Variants in REDIC1 observed in about 807,000 individuals in gnomAD.
The protein encoded by REDIC1 is HEI10 Interacting Protein 1.
chr12:39,812,762 G>A, the REDIC1 span, among the ~76,000 whole-genome samples: 2 of 150,390 alleles, frequency 1.3e-5, no homozygotes, highest in Non-Finnish European at 3.0e-5. Context: ...GTGAGTCATT[G>A]CACCTGGCGG....
the REDIC1 span, among the ~76,000 whole-genome samples, chr12:39,712,451 TAC>T: frequency 4.5e-5 from 2 of 44,908 alleles, no homozygotes; most frequent in Admixed American, 2.4e-4. Context: ...TATGTATACA[TAC>T]GTATATATAC....
the REDIC1 span, among the ~76,000 whole-genome samples, chr12:39,669,954 C>T: frequency 6.6e-6 from 1 of 152,160 alleles, no homozygotes; most frequent in African/African-American, 2.4e-5. Context: ...TCTGTCACCC[C>T]TTTCTTTGAC....
At chr12:39,779,179 G>C in the REDIC1 span, among the ~76,000 whole-genome samples, 1 of 152,148 alleles carries the variant, frequency 6.6e-6, no homozygotes, top group African/African-American at 2.4e-5. Context: ...TTTTCTTACA[G>C]TTTTGCTCTG....
At chr12:39,842,823 A>G in the REDIC1 span, among the ~76,000 whole-genome samples, 1 of 151,910 alleles carries the variant, frequency 6.6e-6, no homozygotes, top group African/African-American at 2.4e-5. Flanking sequence ...CTTTGTCTCT[A>G]TGGATTTGCT....
At chr12:39,879,177 G>T in the REDIC1 span, among the ~76,000 whole-genome samples, 2 of 152,256 alleles carry the variant, frequency 1.3e-5, no homozygotes, top group Non-Finnish European at 2.9e-5. Flanking sequence ...GCGTGAGAAA[G>T]CCTGGGTGCC....
chr12:39,699,794 C>A, the REDIC1 span, among the ~76,000 whole-genome samples: 1 of 152,204 alleles, frequency 6.6e-6, no homozygotes. Context: ...CCCTGACCCC[C>A]GAGCAGCCTA....
At chr12:39,713,042 CATGTGT>C in the REDIC1 span, among the ~76,000 whole-genome samples, 1 of 136,584 alleles carries the variant, frequency 7.3e-6, no homozygotes, top group African/African-American at 2.9e-5. Context: ...TGTATATATA[CATGTGT>C]ATATACGTGT....
the REDIC1 span, among the ~76,000 whole-genome samples, chr12:39,779,360 C>T: frequency 6.6e-6 from 1 of 152,160 alleles, no homozygotes; most frequent in Non-Finnish European, 1.5e-5. Context: ...TGATGTTTTT[C>T]TACACTTAAG....
At chr12:39,719,574 A>G in the REDIC1 span, among the ~76,000 whole-genome samples, 277 of 152,108 alleles carry the variant, frequency 1.8e-3, no homozygotes, top group Non-Finnish European at 3.5e-3. Flanking sequence ...TGATTGTGCC[A>G]CTGCACTCCA....
At chr12:39,684,059 C>T in the REDIC1 span, 1 of 772,744 alleles carries the variant, frequency 1.3e-6, no homozygotes, top group Non-Finnish European at 1.6e-6. Flanking sequence ...AGATTACAAT[C>T]TCCTCTACCC....
chr12:39,707,694 T>C, the REDIC1 span, among the ~76,000 whole-genome samples: 1 of 151,956 alleles, frequency 6.6e-6, no homozygotes, highest in Non-Finnish European at 1.5e-5. Flanking sequence ...TAATGATAAT[T>C]ATCATTGTTT....
the REDIC1 span, among the ~76,000 whole-genome samples, chr12:39,808,219 T>TCTGG: frequency 3.9e-5 from 6 of 152,182 alleles, no homozygotes; most frequent in African/African-American, 9.6e-5. Context: ...TTGTTTTGTA[T>TCTGG]CTGGCTTTTT....
the REDIC1 span, among the ~76,000 whole-genome samples, chr12:39,711,780 T>TGTGTATGTGTGTGTACACATGC: frequency 7.5e-6 from 1 of 133,268 alleles, no homozygotes; most frequent in African/African-American, 2.8e-5. Flanking sequence ...TGCACATGCA[T>TGTGTATGTGTGTGTACACATGC]GTGTATGTGT....
the REDIC1 span, among the ~76,000 whole-genome samples, chr12:39,783,333 G>A: frequency 4.6e-5 from 7 of 152,132 alleles, no homozygotes; most frequent in African/African-American, 7.2e-5. Context: ...ATAAACATAC[G>A]TGTGCATGTG....
At chr12:39,648,395 A>G in the REDIC1 span, among the ~76,000 whole-genome samples, 2 of 151,948 alleles carry the variant, frequency 1.3e-5, no homozygotes, top group Non-Finnish European at 2.9e-5. Flanking sequence ...TCTTAAAGTG[A>G]TGGCTTGATA....
At chr12:39,690,332 T>G in the REDIC1 span, among the ~76,000 whole-genome samples, 429 of 152,276 alleles carry the variant, frequency 2.8e-3, 2 homozygotes, top group African/African-American at 9.9e-3. Flanking sequence ...GTATAATTAT[T>G]TAATTTTAAA....
chr12:39,840,561 C>T, the REDIC1 span, among the ~76,000 whole-genome samples: 1 of 151,976 alleles, frequency 6.6e-6, no homozygotes, highest in Non-Finnish European at 1.5e-5. Context: ...ATGACATGCT[C>T]TCATGCTTTT....
At chr12:39,646,843 A>C in the REDIC1 span, 6 of 1,590,384 alleles carry the variant, frequency 3.8e-6, no homozygotes, top group Non-Finnish European at 5.1e-6. Context: ...TCATTAGTGT[A>C]AACTGTCAAA....
the REDIC1 span, among the ~76,000 whole-genome samples, chr12:39,846,807 T>C: frequency 6.6e-6 from 1 of 152,126 alleles, no homozygotes; most frequent in African/African-American, 2.4e-5. Flanking sequence ...AATAATAGCA[T>C]CTATCTCAGT....
Sources: gnomAD v4.1 joint callset for allele counts (sites outside exome capture counted in the v4.1 genomes callset) on GRCh38, gnomAD v4.1.1 for gene constraint, MANE v1.5 for transcripts, NCBI Gene and HGNC (gene_info 2026-07-23, HGNC 2026-07-21) for gene names.